Variants in SPCS2 observed in about 807,000 individuals in gnomAD.
SPCS2 encodes SPase 25 kDa subunit.
SPCS2 carries 3 observed loss-of-function variants against 22.3 expected under a neutral mutation model. The ratio of observed to expected loss-of-function variants is 0.13; its 90% CI spans 0.06 to 0.35. The LOEUF is 0.35. SPCS2 is among the 10% of genes least tolerant of loss of function. The pLI is 1.00. For synonymous variants in SPCS2, 67 were observed against 97.2 expected (o/e 0.69, Z 1.83); for missense variants, 169 against 280.9 (o/e 0.60, Z 2.85).
chr11:74,957,025 A>G (rs1219029202), intron 1 of SPCS2, among the ~76,000 whole-genome samples: 1 of 151,972 alleles, frequency 6.6e-6, no homozygotes. Flanking sequence ...TTTTCTGTAT[A>G]ATCTTTTTTA....
intron 1 of SPCS2, among the ~76,000 whole-genome samples, chr11:74,960,466 C>T (rs186669885): frequency 1.3e-5 from 2 of 151,316 alleles, no homozygotes; most frequent in East Asian, 3.9e-4. Flanking sequence ...ATTTTTGATA[C>T]CCTGTGAGTT....
rs1215747939 is a variant in SPCS2, at chr11:74,978,253, A to G, written c.*1210A>G. On this transcript the variant is annotated 3_prime_UTR_variant, in exon 5 of 5. Coordinates refer to ENST00000263672, the MANE Select transcript of SPCS2 (RefSeq NM_014752.3). ...GGCTGAGCCTAGTACCCAACACTAT[A>G]TTCAGTTTGTAAGAAATTACCATTA... 2.0e-5 allele frequency: 3 copies of G among 152,248 alleles called. No homozygotes were observed. The highest frequency in any genetic ancestry group is 7.2e-5 in the African/African-American group (3 of 41,470). 9.4% of individuals were successfully genotyped at this position (152,248 alleles called of 1,614,324 possible).
intron 1 of SPCS2, among the ~76,000 whole-genome samples, chr11:74,953,778 A>G (rs1169071900): frequency 6.6e-6 from 1 of 152,240 alleles, no homozygotes; most frequent in Non-Finnish European, 1.5e-5. Flanking sequence ...TTTGCCCCAA[A>G]TACATCAAAG....
chr11:74,976,799 T>G, intron 4 of SPCS2, 58 bp from the exon 5 acceptor site: 5 of 1,605,948 alleles, frequency 3.1e-6, no homozygotes, highest in Non-Finnish European at 3.4e-6. Context: ...TGCCGTATTG[T>G]TACTGGTTGA....
At position 74,977,016 on chromosome 11, in the gene SPCS2, T is replaced by C. The variant is rs774516585; in HGVS notation, c.654T>C (p.Ser218=). The C allele has an allele frequency of 1.4e-5, 22 of 1,528,054 alleles. No homozygotes were observed. Among genetic ancestry groups the C allele is most frequent in the Middle Eastern group, 3.5e-4 (2 of 5,704 alleles). The allele number at this position is 1,528,054 out of a possible 1,614,324, so 94.7% of individuals were successfully genotyped here. Residue 218 remains serine (S), a synonymous_variant, in exon 5 of 5, where the codon AGT becomes AGC. Transcript: ENST00000263672. ...YEPEISRLHD[S]LAIERKIK ...CTGAAATATCCAGGCTCCATGACAGTCTTGCCATAGAAAGAAAAATAAAGT... is the reference window on the plus strand; with the variant it reads ...CTGAAATATCCAGGCTCCATGACAGCCTTGCCATAGAAAGAAAAATAAAGT...
intron 1 of SPCS2, among the ~76,000 whole-genome samples, chr11:74,955,669 T>C (rs932847621): frequency 1.1e-4 from 17 of 151,924 alleles, no homozygotes; most frequent in East Asian, 3.9e-4. Flanking sequence ...GAATTGGCAT[T>C]ATTTTTAAAT....
Position 74,976,959 on chromosome 11 carries a change from C to T in SPCS2, c.597C>T (p.His199=). The T allele has an allele frequency of 6.2e-7, 1 of 1,608,040 alleles. No individual in the cohort carries two copies. Among genetic ancestry groups the T allele is most frequent in the Middle Eastern group, 1.7e-4 (1 of 6,046 alleles). ...AGTCCATTGCTAAGTTTTTTGACCA[C>T]AGTGGGACACTGGTCATGGATGCAT... is the stretch of plus-strand genomic sequence containing the variant. ...FTKSIAKFFD[H]SGTLVMDAYE... The change falls in exon 5 of 5, where the codon CAC becomes CAT. Residue 199 remains histidine, a synonymous_variant. Transcript: ENST00000263672.
chr11:74,966,169 G>T (rs1054207784), intron 3 of SPCS2, among the ~76,000 whole-genome samples: 1 of 152,148 alleles, frequency 6.6e-6, no homozygotes, highest in Non-Finnish European at 1.5e-5. Flanking sequence ...AGAGGTTATT[G>T]TCCTAATATG....
At chr11:74,949,739 C>T (rs1565481473) in intron 1 of SPCS2, 10 of 442,458 alleles carry the variant, frequency 2.3e-5, no homozygotes, top group South Asian at 1.5e-4. Context: ...TTCACAGACA[C>T]GGAAAACCGA....
intron 1 of SPCS2, among the ~76,000 whole-genome samples, chr11:74,952,572 C>T (rs959266545): frequency 6.6e-6 from 1 of 152,158 alleles, no homozygotes; most frequent in Admixed American, 6.5e-5. Flanking sequence ...CCACCTCAGC[C>T]TCCCAAAGTA....
rs1948619955 is a variant in SPCS2 at position 74,977,153 on chromosome 11, T to G, written c.*110T>G. ...GGGTAAAGTAAGAAATGTTAAAAAG[T>G]CCCTGTTTTGTCCTGAAATTTTAGT... On this transcript the variant is annotated 3_prime_UTR_variant, in exon 5 of 5. Transcript: ENST00000263672. 1 of 1,290,496 alleles carries G rather than the reference T, an allele frequency of 7.7e-7. No homozygotes were observed. The highest frequency in any genetic ancestry group is 1.5e-5 in the African/African-American group (1 of 66,316). 79.9% of individuals were successfully genotyped at this position (1,290,496 alleles called of 1,614,324 possible).
intron 4 of SPCS2, among the ~76,000 whole-genome samples, chr11:74,972,215 G>T (rs946151300): frequency 1.3e-5 from 2 of 151,868 alleles, no homozygotes; most frequent in Non-Finnish European, 2.9e-5. Flanking sequence ...ACGGACCCAC[G>T]ACCACACCCG....
At position 74,972,894 on chromosome 11, in the gene SPCS2, A is replaced by T. The variant is rs79044142; in HGVS notation, c.494+3195A>T. Among the ~76,000 whole-genome samples the T allele has an allele frequency of 5.2e-3, 579 of 110,804 alleles. 3 individuals carry two copies. Among genetic ancestry groups the T allele is most frequent in the South Asian group, 0.026 (88 of 3,420 alleles). The allele number at this position is 110,804 out of a possible 152,430, so 72.7% of individuals were successfully genotyped here. A position where few individuals can be genotyped will look rare whatever the true frequency, so the allele number is the denominator to read the frequency against. On this transcript the variant is annotated intron_variant, in intron 4 of 4. Transcript: ENST00000263672. ...ATTAATGTTTTATATATATATATAT[A>T]TTTTTTTTTTTCCTGCATACTTAGG...
At position 74,978,140 on chromosome 11, in the gene SPCS2, C is replaced by T. The variant is rs1948626525; in HGVS notation, c.*1097C>T. 1 of 152,170 alleles carries T rather than the reference C, an allele frequency of 6.6e-6. No individual in the cohort carries two copies. The highest frequency in any genetic ancestry group is 1.5e-5 in the Non-Finnish European group (1 of 68,032). 9.4% of individuals were successfully genotyped at this position (152,170 alleles called of 1,614,324 possible). A position where few individuals can be genotyped will look rare whatever the true frequency, so the allele number is the denominator to read the frequency against. ...AAACAGCCGCTTTTCCAGTATTTTC[C>T]CAGTATGGTCAGAGAAGACCTGGGT... On this transcript the variant is annotated 3_prime_UTR_variant, in exon 5 of 5. Transcript: ENST00000263672.
At chr11:74,961,756 A>C (rs1409778464) in intron 1 of SPCS2, among the ~76,000 whole-genome samples, 1 of 151,860 alleles carries the variant, frequency 6.6e-6, no homozygotes, top group African/African-American at 2.4e-5. Context: ...TCGGACTCCT[A>C]ACCTCAAATG....
At chr11:74,953,889 A>G (rs1287464758) in intron 1 of SPCS2, among the ~76,000 whole-genome samples, 1 of 152,230 alleles carries the variant, frequency 6.6e-6, no homozygotes, top group East Asian at 1.9e-4. Context: ...TCCAGAAGCT[A>G]TTATCTAGAC....
intron 4 of SPCS2, among the ~76,000 whole-genome samples, chr11:74,975,794 A>G (rs1948610895): frequency 6.6e-6 from 1 of 152,240 alleles, no homozygotes; most frequent in African/African-American, 2.4e-5. Flanking sequence ...TCCTGAAAGC[A>G]GGTGGAAGTT....
intron 1 of SPCS2, among the ~76,000 whole-genome samples, chr11:74,950,079 A>C (rs765490830): frequency 6.6e-6 from 1 of 151,970 alleles, no homozygotes; most frequent in African/African-American, 2.4e-5. Flanking sequence ...TTTTAACTGC[A>C]GTCCTAGCAA....
At chr11:74,966,422 G>A (rs948026655) in intron 3 of SPCS2, among the ~76,000 whole-genome samples, 1 of 152,178 alleles carries the variant, frequency 6.6e-6, no homozygotes, top group East Asian at 1.9e-4. Flanking sequence ...TTATTCTGGA[G>A]CTAGAGAATA....
Sources: allele counts gnomAD v4.1 joint callset (sites outside exome capture counted in the v4.1 genomes callset), GRCh38; gene constraint gnomAD v4.1.1; transcripts MANE v1.5; gene names NCBI Gene and HGNC (gene_info 2026-07-23, HGNC 2026-07-21).